The following LRP1B variants were observed in gnomAD, a reference collection of about 807,000 sequenced individuals.
LRP1B encodes LDL receptor related protein 1B, also known as low-density lipoprotein receptor-related protein 1B.
Under a neutral mutation model 556.6 loss-of-function variants are expected in LRP1B, and 217 were observed. That is an observed-to-expected ratio of 0.39 (90% CI 0.35 to 0.44). The LOEUF is 0.44. LRP1B is among the 20% of genes least tolerant of loss of function. The pLI, the probability that LRP1B is intolerant of heterozygous loss-of-function variation, is 1.00. For missense variants in LRP1B, 5,053 were observed against 5,620.8 expected (o/e 0.90, Z 3.23); for synonymous variants, 2,047 against 1,865.8 (o/e 1.10, Z -2.50).
intron 7 of LRP1B, among the ~76,000 whole-genome samples, chr2:141,140,332 A>C (rs1190568457): frequency 6.6e-6 from 1 of 152,116 alleles, no homozygotes; most frequent in African/African-American, 2.4e-5. Context: ...TAATAATAAA[A>C]ATTTTTTAAA....
chr2:140,688,945 C>A (rs902300677), intron 41 of LRP1B, among the ~76,000 whole-genome samples: 8 of 152,088 alleles, frequency 5.3e-5, no homozygotes, highest in African/African-American at 1.9e-4. Flanking sequence ...CATAGTCAGC[C>A]CACAAATAGT....
chr2:140,805,224 C>A (rs1309119535), intron 32 of LRP1B, among the ~76,000 whole-genome samples: 1 of 152,098 alleles, frequency 6.6e-6, no homozygotes, highest in African/African-American at 2.4e-5. Context: ...TTAATCCCAT[C>A]CTGGAAAATT....
At chr2:141,410,411 A>C (rs72846851) in intron 3 of LRP1B, among the ~76,000 whole-genome samples, 3 of 151,964 alleles carry the variant, frequency 2.0e-5, no homozygotes, top group African/African-American at 7.2e-5. Context: ...ACAGTGTTTT[A>C]AAAAGATGAT....
At chr2:141,330,011 A>G (rs1232585278) in intron 3 of LRP1B, among the ~76,000 whole-genome samples, 3 of 152,172 alleles carry the variant, frequency 2.0e-5, no homozygotes, top group Non-Finnish European at 4.4e-5. Context: ...ATAAAAAAAA[A>G]AAGCTTAGCT....
At chr2:140,643,695 C>T (rs1265140597) in intron 41 of LRP1B, among the ~76,000 whole-genome samples, 1 of 151,962 alleles carries the variant, frequency 6.6e-6, no homozygotes, top group Non-Finnish European at 1.5e-5. Context: ...GAGTTTTATC[C>T]CCTCAAAAGA....
chr2:141,155,433 AG>A (rs1480326197), intron 7 of LRP1B, among the ~76,000 whole-genome samples: 1 of 151,344 alleles, frequency 6.6e-6, no homozygotes, highest in Non-Finnish European at 1.5e-5. Context: ...TGGCTGAACA[AG>A]GGGGTACACT....
intron 22 of LRP1B, among the ~76,000 whole-genome samples, chr2:140,903,858 A>T (rs1453043236): frequency 6.6e-6 from 1 of 151,944 alleles, no homozygotes; most frequent in African/African-American, 2.4e-5. Context: ...AATAATGAGC[A>T]ATAGTATTGA....
At chr2:141,546,907 T>C (rs1263364550) in intron 2 of LRP1B, among the ~76,000 whole-genome samples, 1 of 152,200 alleles carries the variant, frequency 6.6e-6, no homozygotes, top group African/African-American at 2.4e-5. Context: ...CTCCTAATAC[T>C]TAAACAAAGC....
chr2:140,355,578 G>A (rs1026910585), intron 75 of LRP1B, among the ~76,000 whole-genome samples: 2 of 151,846 alleles, frequency 1.3e-5, no homozygotes, highest in African/African-American at 4.8e-5. Context: ...ATATCACAAA[G>A]AGACATAACA....
intron 2 of LRP1B, among the ~76,000 whole-genome samples, chr2:141,582,973 C>T (rs1687003499): frequency 6.6e-6 from 1 of 150,882 alleles, no homozygotes; most frequent in Non-Finnish European, 1.5e-5. Flanking sequence ...GTAACTGGGA[C>T]TACAGGCACC....
At chr2:140,533,924 G>T in intron 47 of LRP1B, 97 bp downstream of exon 47, 2 of 1,282,088 alleles carry the variant, frequency 1.6e-6, no homozygotes, top group African/African-American at 1.5e-5. Flanking sequence ...ATGTTACTAG[G>T]TGTTATATGC....
chr2:141,812,308 TTTATTAGTAATTATTAGTAA>T (rs11278321), intron 1 of LRP1B, among the ~76,000 whole-genome samples: 23 of 151,968 alleles, frequency 1.5e-4, no homozygotes, highest in African/African-American at 5.6e-4. Flanking sequence ...TGAAAGTAGG[TTTATTAGTAATTATTAGTAA>T]TTATTAGTAA....
chr2:140,753,826 ACCCT>A (rs1688660037), intron 35 of LRP1B, among the ~76,000 whole-genome samples: 2 of 152,078 alleles, frequency 1.3e-5, no homozygotes, highest in Admixed American at 1.3e-4. Context: ...CTTTTCTCGT[ACCCT>A]CCAACTCTAA....
intron 33 of LRP1B, among the ~76,000 whole-genome samples, chr2:140,773,920 A>C (rs957158979): frequency 3.3e-5 from 5 of 152,140 alleles, no homozygotes; most frequent in African/African-American, 1.2e-4. Context: ...AATTATAAAT[A>C]CTAGCTTGGC....
chr2:141,203,543 T>TA (rs1376015895), intron 6 of LRP1B, among the ~76,000 whole-genome samples: 1 of 151,194 alleles, frequency 6.6e-6, no homozygotes, highest in African/African-American at 2.4e-5. Context: ...AGCAAGTTTT[T>TA]AGAGACCTAC....
At chr2:140,818,703 G>A (rs1024188805) in intron 31 of LRP1B, among the ~76,000 whole-genome samples, 3 of 152,122 alleles carry the variant, frequency 2.0e-5, no homozygotes, top group African/African-American at 7.2e-5. Context: ...GGGAGGCCAA[G>A]ACGGGTGGAT....
intron 1 of LRP1B, among the ~76,000 whole-genome samples, chr2:142,031,301 A>G (rs536440152): frequency 1.3e-5 from 2 of 148,982 alleles, no homozygotes; most frequent in South Asian, 4.3e-4. Flanking sequence ...GTAAAAACAG[A>G]TATATTTAGA....
intron 1 of LRP1B, among the ~76,000 whole-genome samples, chr2:141,823,350 T>C (rs1696816038): frequency 6.6e-6 from 1 of 152,108 alleles, no homozygotes; most frequent in South Asian, 2.1e-4. Flanking sequence ...TGCCAGAACA[T>C]GAAGGCCAGC....
At chr2:140,568,235 CAAA>C (rs1681199232) in intron 43 of LRP1B, among the ~76,000 whole-genome samples, 1 of 136,202 alleles carries the variant, frequency 7.3e-6, no homozygotes, top group Non-Finnish European at 1.6e-5. Context: ...AACAATTCAA[CAAA>C]ATCAGAGAGG....
Sources: allele counts gnomAD v4.1 joint callset (sites outside exome capture counted in the v4.1 genomes callset), GRCh38; gene constraint gnomAD v4.1.1; transcripts MANE v1.5; gene names NCBI Gene and HGNC (gene_info 2026-07-23, HGNC 2026-07-21).